The following MSANTD1 variants were observed in gnomAD, a reference collection of about 807,000 sequenced individuals.
The protein encoded by MSANTD1 is myb/SANT-like DNA-binding domain-containing protein 1.
In MSANTD1, 7 loss-of-function variants were observed where a neutral mutation model predicts 24.2. The ratio of observed to expected loss-of-function variants is 0.29; its 90% CI spans 0.16 to 0.54. The LOEUF is 0.54. Among genes scored for constraint, MSANTD1 ranks in the 20% least tolerant of loss-of-function variants. The pLI is 0.94. For synonymous variants in MSANTD1, 177 were observed against 181.1 expected (o/e 0.98, Z 0.18); for missense variants, 384 against 408.2 (o/e 0.94, Z 0.51).
At chr4:3,246,510 C>G (rs1051680382), upstream of MSANTD1, 18 of 543,490 alleles carry the variant, frequency 3.3e-5, no homozygotes, top group Non-Finnish European at 5.9e-5. Context: ...CTAGCCTGAG[C>G]CCAGCAGGGC....
upstream of MSANTD1, chr4:3,249,102 C>T (rs900430878): frequency 4.2e-5 from 37 of 875,052 alleles, no homozygotes; most frequent in Admixed American, 2.7e-4. Flanking sequence ...GCTATGGAAA[C>T]GTGACATCAA....
chr4:3,248,425 C>G (rs1030925026), upstream of MSANTD1: 11 of 152,834 alleles, frequency 7.2e-5, no homozygotes, highest in Non-Finnish European at 2.9e-5. Context: ...TGGCCTCCCC[C>G]TGGCTTGCTG....
In MSANTD1 at chr4:3,253,627, C is replaced by T. The variant is rs370954483; in HGVS notation, c.596+145C>T. On this transcript the variant is annotated intron_variant, in intron 2 of 2. Transcript: ENST00000438480. ...TGCGGGCAGCGCCTCCAGGGACAGGCGGCCTCAGACCAGGGAGGGCTTTAG... is the reference window on the plus strand; with the variant it reads ...TGCGGGCAGCGCCTCCAGGGACAGGTGGCCTCAGACCAGGGAGGGCTTTAG... The T allele has an allele frequency of 3.8e-5, 31 of 814,666 alleles. No individual in the cohort carries two copies. The highest frequency in any genetic ancestry group is 6.1e-4 in the Middle Eastern group (2 of 3,272). The allele number at this position is 814,666 out of a possible 1,614,324, so 50.5% of individuals were successfully genotyped here. A position where few individuals can be genotyped will look rare whatever the true frequency, so the allele number is the denominator to read the frequency against.
upstream of MSANTD1, chr4:3,249,151 T>A (rs1722127732): frequency 2.3e-6 from 3 of 1,283,900 alleles, no homozygotes; most frequent in Admixed American, 3.7e-5. Context: ...ACTAAATTCC[T>A]GCCTGTCAGA....
In MSANTD1 at chr4:3,255,866, C is replaced by T. The variant is rs362287; in HGVS notation, c.738C>T (p.Arg246=). 545,744 of 1,545,082 alleles carry T rather than the reference C, an allele frequency of 0.35. 100,510 individuals carry two copies. Among genetic ancestry groups the T allele is most frequent in the Non-Finnish European group, 0.37 (425,889 of 1,146,418 alleles). ...AVEETCREVR[R]VLDQQHILQV... ...AGGAGACCTGCCGCGAGGTGCGCCG[C>T]GTGCTGGACCAGCAGCACATCCTGC... Residue 246 remains arginine, a synonymous_variant, in exon 3 of 3, where the codon CGC becomes CGT. Coordinates refer to ENST00000438480, the MANE Select transcript of MSANTD1 (RefSeq NM_001042690.2).
rs116532624 is a variant in MSANTD1, at chr4:3,251,669, G to A, written c.321-1538G>A. ...ATACCCGCAGTCTCCCCATAGCAGAGGCTTTTCTTTTTTTTTTCTTTTTCT... is the reference window on the plus strand; with the variant it reads ...ATACCCGCAGTCTCCCCATAGCAGAAGCTTTTCTTTTTTTTTTCTTTTTCT... On this transcript the variant is annotated intron_variant, in intron 1 of 2. Transcript: ENST00000438480. Among the ~76,000 whole-genome samples the A allele has an allele frequency of 7.0e-4, 106 of 151,850 alleles. 1 individual carries two copies. The highest frequency in any genetic ancestry group is 2.3e-3 in the African/African-American group (97 of 41,340).
intron 2 of MSANTD1, 125 bp downstream of exon 2, chr4:3,253,607 G>T: frequency 9.5e-7 from 1 of 1,047,830 alleles, no homozygotes; most frequent in Non-Finnish European, 1.3e-6. Flanking sequence ...GTGGCTGCGG[G>T]CAGCGCCTCC....
rs563395009 is a variant in MSANTD1 at position 3,249,216 on chromosome 4, C to T, written c.-7C>T. The T allele has an allele frequency of 1.4e-6, 2 of 1,391,130 alleles. No individual in the cohort carries two copies. Among genetic ancestry groups the T allele is most frequent in the South Asian group, 1.7e-5 (1 of 59,942 alleles). 86.2% of individuals were successfully genotyped at this position (1,391,130 alleles called of 1,614,324 possible). Reference sequence around the variant, plus strand: ...CTTCGAGCGAGCGTGAGCGGCGCCTCCCGCCCATGGTGCGTGGGGCCGGGC... The same window carrying T: ...CTTCGAGCGAGCGTGAGCGGCGCCTTCCGCCCATGGTGCGTGGGGCCGGGC... On this transcript the variant is annotated 5_prime_UTR_variant, in exon 1 of 3. Transcript: ENST00000438480.
chr4:3,253,449 A>ACAGCTCCTC lies in MSANTD1; in HGVS notation c.569_577dup (p.Ser190_Ser192dup). 6.3e-7 allele frequency: 1 copy of ACAGCTCCTC among 1,575,748 alleles called. No homozygotes were observed. Among genetic ancestry groups the ACAGCTCCTC allele is most frequent in the Non-Finnish European group, 8.6e-7 (1 of 1,156,512 alleles). ...GGCCGCTTCGAGGATGATCGCTCCG[A>ACAGCTCCTC]CAGCTCCTCCAGCTTACTGTCCCTT... On this transcript the variant is annotated inframe_insertion, in exon 2 of 3. Transcript: ENST00000438480.
intron 1 of MSANTD1, among the ~76,000 whole-genome samples, chr4:3,250,160 A>G (rs551278012): frequency 6.6e-6 from 1 of 152,168 alleles, no homozygotes; most frequent in South Asian, 2.1e-4. Context: ...GAGGTGCAGG[A>G]CCAGCCAGCG....
upstream of MSANTD1, among the ~76,000 whole-genome samples, chr4:3,246,393 C>T (rs1224644806): frequency 6.6e-6 from 1 of 152,242 alleles, no homozygotes; most frequent in East Asian, 1.9e-4. Context: ...GTCCTGCTGG[C>T]CTGTCAGGCA....
intron 1 of MSANTD1, among the ~76,000 whole-genome samples, chr4:3,252,777 T>A (rs1722265674): frequency 6.6e-6 from 1 of 152,228 alleles, no homozygotes; most frequent in Non-Finnish European, 1.5e-5. Flanking sequence ...TATTACAAAA[T>A]ATTATCACTA....
At position 3,250,735 on chromosome 4, in the gene MSANTD1, C is replaced by T. The variant is rs569079933; in HGVS notation, c.320+1193C>T. On this transcript the variant is annotated intron_variant, in intron 1 of 2. Transcript: ENST00000438480. ...TGGGAGTGGCCTCACTCAGCTGCTC[C>T]ACCTCCGGGTCAGGCAGGTGAGCCT... Among the ~76,000 whole-genome samples, 19 of 152,310 alleles carry T rather than the reference C, an allele frequency of 1.2e-4. No homozygotes were observed. The East Asian group carries it at 3.5e-3, about 28-fold the overall frequency.
chr4:3,252,879 T>C (rs897349726), intron 1 of MSANTD1, among the ~76,000 whole-genome samples: 1 of 152,264 alleles, frequency 6.6e-6, no homozygotes, highest in African/African-American at 2.4e-5. Context: ...TATTTGCTCA[T>C]TGCAGAGAGT....
rs1370364449 is a variant in MSANTD1, at chr4:3,256,160, A to T, written c.*195A>T. 2 of 595,370 alleles carry T rather than the reference A, an allele frequency of 3.4e-6. No individual in the cohort carries two copies. Among genetic ancestry groups the T allele is most frequent in the Non-Finnish European group, 5.4e-6 (2 of 370,476 alleles). 36.9% of individuals were successfully genotyped at this position (595,370 alleles called of 1,614,324 possible). ...CAGGCCCTGGGGACCGTGAGGCTCC[A>T]GTCTCCAGCATGAATGCCCTTCCTC... is the stretch of plus-strand genomic sequence containing the variant. On this transcript the variant is annotated 3_prime_UTR_variant, in exon 3 of 3. Coordinates refer to ENST00000438480, the MANE Select transcript of MSANTD1 (RefSeq NM_001042690.2).
At chr4:3,252,447 C>G (rs1427125601) in intron 1 of MSANTD1, among the ~76,000 whole-genome samples, 1 of 152,234 alleles carries the variant, frequency 6.6e-6, no homozygotes, top group Non-Finnish European at 1.5e-5. Flanking sequence ...CACCCCAGGG[C>G]CTCTGGGCAG....
At chr4:3,250,082 A>G (rs908312543) in intron 1 of MSANTD1, among the ~76,000 whole-genome samples, 2 of 152,058 alleles carry the variant, frequency 1.3e-5, no homozygotes, top group African/African-American at 2.4e-5. Flanking sequence ...AGCCTCTGCC[A>G]TGAGCCGGTG....
chr4:3,246,687 A>ATTG (rs1346416363), upstream of MSANTD1: 14 of 696,538 alleles, frequency 2.0e-5, no homozygotes, highest in African/African-American at 2.5e-4. Flanking sequence ...GCCCCTCCCC[A>ATTG]GCAGGGGACA....
chr4:3,248,985 G>C (rs1180187819), upstream of MSANTD1: 4 of 384,590 alleles, frequency 1.0e-5, no homozygotes, highest in African/African-American at 4.2e-5. Flanking sequence ...CGCTGGGTTT[G>C]GGCCTGGCCC....
Sources: allele counts gnomAD v4.1 joint callset (sites outside exome capture counted in the v4.1 genomes callset), GRCh38; gene constraint gnomAD v4.1.1; transcripts MANE v1.5; gene names NCBI Gene and HGNC (gene_info 2026-07-23, HGNC 2026-07-21).